Variants in RIMS2 observed in about 807,000 individuals in gnomAD.
RIMS2 encodes the protein regulating synaptic membrane exocytosis protein 2.
In RIMS2, 59 loss-of-function variants were observed where a neutral mutation model predicts 174.4. The observed-to-expected ratio is 0.34, with a 90% CI of 0.27 to 0.42. The LOEUF is 0.42. Ranked by LOEUF, RIMS2 falls within the 10% of genes least tolerant of loss-of-function variation. The pLI is 1.00. For synonymous variants in RIMS2, 606 were observed against 572.5 expected (o/e 1.06, Z -0.84); for missense variants, 1,620 against 1,666.3 (o/e 0.97, Z 0.48).
intron 3 of RIMS2, among the ~76,000 whole-genome samples, chr8:103,873,051 G>A (rs1054795328): frequency 6.6e-6 from 1 of 151,954 alleles, no homozygotes; most frequent in Non-Finnish European, 1.5e-5. Flanking sequence ...TGAAGTTCTG[G>A]GTGCACTAGA....
At chr8:103,759,395 C>T (rs2098079465) in intron 2 of RIMS2, among the ~76,000 whole-genome samples, 1 of 151,750 alleles carries the variant, frequency 6.6e-6, no homozygotes, top group African/African-American at 2.4e-5. Flanking sequence ...GAAACCCTTT[C>T]TCTACTAAAA....
intron 1 of RIMS2, among the ~76,000 whole-genome samples, chr8:103,503,157 A>G (rs1228971211): frequency 1.3e-5 from 2 of 151,940 alleles, no homozygotes; most frequent in East Asian, 3.8e-4. Flanking sequence ...TTGCATTGCT[A>G]CCTAACTTAG....
intron 4 of RIMS2, among the ~76,000 whole-genome samples, chr8:103,894,460 C>G (rs906443435): frequency 2.0e-5 from 3 of 151,344 alleles, no homozygotes; most frequent in Non-Finnish European, 2.9e-5. Context: ...AAATGCCAAG[C>G]TTTTAGTAGA....
intron 3 of RIMS2, among the ~76,000 whole-genome samples, chr8:103,883,836 C>T (rs1230213154): frequency 6.6e-6 from 1 of 151,796 alleles, no homozygotes; most frequent in African/African-American, 2.4e-5. Flanking sequence ...GTTAATTGGC[C>T]ACCCTGATGC....
At position 103,912,043 on chromosome 8, in the gene RIMS2, A is replaced by T. The variant is rs983639906; in HGVS notation, c.1693-10A>T. On this transcript the variant is annotated splice_polypyrimidine_tract_variant and intron_variant, in intron 5 of 23. Transcript: ENST00000504942. ...ATTTATTTATTTTGTTTGTTGATGCAAAATGTCAGCACCCTGTAACCTGGC... is the reference window on the plus strand; with the variant it reads ...ATTTATTTATTTTGTTTGTTGATGCTAAATGTCAGCACCCTGTAACCTGGC... The T allele has an allele frequency of 4.6e-6, 7 of 1,533,926 alleles. No homozygotes were observed. Among genetic ancestry groups the T allele is most frequent in the Non-Finnish European group, 6.2e-6 (7 of 1,136,110 alleles).
At chr8:103,561,104 C>A (rs2091514227) in intron 1 of RIMS2, among the ~76,000 whole-genome samples, 1 of 152,298 alleles carries the variant, frequency 6.6e-6, no homozygotes, top group South Asian at 2.1e-4. Flanking sequence ...CTGGCTTAAT[C>A]TAACAGAGTG....
chr8:104,231,386 C>G (rs1187374215), intron 19 of RIMS2, among the ~76,000 whole-genome samples: 2 of 152,212 alleles, frequency 1.3e-5, no homozygotes, highest in East Asian at 3.9e-4. Context: ...ATCCCCACCT[C>G]CCAAGGCTAG....
At chr8:103,904,676 T>C (rs886639412) in intron 4 of RIMS2, among the ~76,000 whole-genome samples, 6 of 152,086 alleles carry the variant, frequency 3.9e-5, no homozygotes, top group Non-Finnish European at 8.8e-5. Flanking sequence ...TACATGTCAC[T>C]GGATTCTCTT....
At chr8:103,619,888 T>A (rs533763718) in intron 1 of RIMS2, among the ~76,000 whole-genome samples, 2 of 152,268 alleles carry the variant, frequency 1.3e-5, no homozygotes, top group African/African-American at 4.8e-5. Flanking sequence ...CTGGAAATAC[T>A]CAAAGGGAAA....
chr8:104,014,283 T>C (rs1416731930), intron 18 of RIMS2, among the ~76,000 whole-genome samples: 3 of 152,166 alleles, frequency 2.0e-5, no homozygotes, highest in Non-Finnish European at 1.5e-5. Flanking sequence ...CTGTAGGGTT[T>C]TGTGTGCATG....
At chr8:103,562,634 A>G (rs377765136) in intron 1 of RIMS2, among the ~76,000 whole-genome samples, 136 of 152,184 alleles carry the variant, frequency 8.9e-4, no homozygotes, top group African/African-American at 3.1e-3. Context: ...CAGTGGGTCT[A>G]CTATTCTGGG....
chr8:103,768,813 T>C, intron 3 of RIMS2: 1 of 670,876 alleles, frequency 1.5e-6, no homozygotes, highest in Non-Finnish European at 2.8e-6. Context: ...AAATTCAGCG[T>C]CTTATTACTC....
chr8:103,582,162 C>T (rs896865553), intron 1 of RIMS2, among the ~76,000 whole-genome samples: 1 of 152,116 alleles, frequency 6.6e-6, no homozygotes, highest in Admixed American at 6.5e-5. Flanking sequence ...TCCAGGATGA[C>T]ATTTCTAGAC....
chr8:103,681,286 G>A (rs1178838220), intron 1 of RIMS2, among the ~76,000 whole-genome samples: 1 of 151,980 alleles, frequency 6.6e-6, no homozygotes, highest in African/African-American at 2.4e-5. Context: ...CTGTTACATA[G>A]TAAGTACCAT....
chr8:103,896,567 GCCACTAT>G (rs1460927976), intron 4 of RIMS2, among the ~76,000 whole-genome samples: 2 of 151,594 alleles, frequency 1.3e-5, no homozygotes, highest in African/African-American at 4.9e-5. Flanking sequence ...AACACTTTGT[GCCACTAT>G]CTAGAAGTAC....
intron 19 of RIMS2, among the ~76,000 whole-genome samples, chr8:104,047,596 C>T (rs2096716235): frequency 6.6e-6 from 1 of 152,082 alleles, no homozygotes; most frequent in East Asian, 1.9e-4. Flanking sequence ...CACATGAAAA[C>T]TGTGTCCAGT....
At position 103,584,355 on chromosome 8, in the gene RIMS2, G is replaced by GA. The variant is rs576864899; in HGVS notation, c.176+83296dup. Reference sequence around the variant, plus strand: ...AATGCTAAAGGGAGTACTTCAATCAGAAAGAAGAGGACATTAATGAGCAAT... The same window carrying GA: ...AATGCTAAAGGGAGTACTTCAATCAGAAAAGAAGAGGACATTAATGAGCAAT... On this transcript the variant is annotated intron_variant, in intron 1 of 23. Transcript: ENST00000504942. 2.2e-3 allele frequency among the ~76,000 whole-genome samples: 340 copies of GA among 152,206 alleles called. 1 individual carries two copies. Among genetic ancestry groups the GA allele is most frequent in the African/African-American group, 8.0e-3 (331 of 41,534 alleles).
chr8:104,127,527 G>T (rs1460933434), intron 19 of RIMS2, among the ~76,000 whole-genome samples: 1 of 152,300 alleles, frequency 6.6e-6, no homozygotes, highest in African/African-American at 2.4e-5. Flanking sequence ...GAACCAGACA[G>T]TTGGGTTTGA....
At chr8:104,087,882 G>C (rs1448415394) in intron 19 of RIMS2, among the ~76,000 whole-genome samples, 1 of 151,994 alleles carries the variant, frequency 6.6e-6, no homozygotes, top group East Asian at 1.9e-4. Context: ...CAGCTTTACT[G>C]CAGACTCCTT....
Sources: allele counts gnomAD v4.1 joint callset (sites outside exome capture counted in the v4.1 genomes callset), GRCh38; gene constraint gnomAD v4.1.1; transcripts MANE v1.5; gene names NCBI Gene and HGNC (gene_info 2026-07-23, HGNC 2026-07-21).